The following KHDRBS3 variants were observed in gnomAD, a reference collection of about 807,000 sequenced individuals.
KHDRBS3 encodes the protein KH RNA binding domain containing, signal transduction associated 3.
A neutral mutation model predicts 45.6 loss-of-function variants in KHDRBS3; 23 were observed. That is an observed-to-expected ratio of 0.50 (90% CI 0.36 to 0.72). The LOEUF (loss-of-function observed/expected upper bound fraction) is 0.72, where lower values mean the gene tolerates loss of function less well. KHDRBS3 is among the 30% of genes least tolerant of loss of function. KHDRBS3 has a pLI of 0.00. For synonymous variants in KHDRBS3, 162 were observed against 156.5 expected (o/e 1.04, Z -0.26); for missense variants, 352 against 424.8 (o/e 0.83, Z 1.51).
At chr8:135,471,571 C>T (rs1822015427) in intron 1 of KHDRBS3, among the ~76,000 whole-genome samples, 1 of 152,180 alleles carries the variant, frequency 6.6e-6, no homozygotes, top group African/African-American at 2.4e-5. Context: ...AAGACAAGTG[C>T]ACACGGCACT....
rs79915707 is a variant in KHDRBS3, at chr8:135,461,206, G to A, written c.88+3252G>A. 4.4e-3 allele frequency among the ~76,000 whole-genome samples: 668 copies of A among 152,268 alleles called. 3 individuals are homozygous for A. The highest frequency in any genetic ancestry group is 0.034 in the Middle Eastern group (10 of 294). On this transcript the variant is annotated intron_variant, in intron 1 of 8. Transcript: ENST00000355849. ...CGTAACCTCTGCCTTCTGGGTTTGC[G>A]CGATTCTCCCGCCTCAGCCTCCCGA...
At chr8:135,576,743 G>A (rs975861946) in intron 5 of KHDRBS3, among the ~76,000 whole-genome samples, 9 of 152,110 alleles carry the variant, frequency 5.9e-5, no homozygotes, top group South Asian at 2.1e-4. Context: ...CTGCTGGCCC[G>A]CTTGTTGTTT....
At chr8:135,643,772 A>G (rs1023933391) in intron 7 of KHDRBS3, among the ~76,000 whole-genome samples, 3 of 152,274 alleles carry the variant, frequency 2.0e-5, no homozygotes, top group Non-Finnish European at 4.4e-5. Flanking sequence ...TCTCCATGCA[A>G]TTTAGCCTGG....
At chr8:135,527,863 G>A (rs1046668402) in intron 2 of KHDRBS3, among the ~76,000 whole-genome samples, 7 of 152,130 alleles carry the variant, frequency 4.6e-5, no homozygotes, top group African/African-American at 1.4e-4. Flanking sequence ...CTGGAGTATA[G>A]GTTTTCGTGA....
intron 1 of KHDRBS3, among the ~76,000 whole-genome samples, chr8:135,519,285 G>A (rs1351204108): frequency 1.3e-5 from 2 of 152,100 alleles, no homozygotes; most frequent in Admixed American, 1.3e-4. Context: ...TGTGTATCCA[G>A]TGATTCAATT....
chr8:135,574,814 G>A (rs766080039), intron 5 of KHDRBS3, among the ~76,000 whole-genome samples: 2 of 152,188 alleles, frequency 1.3e-5, no homozygotes, highest in African/African-American at 4.8e-5. Context: ...ACCGTTCAGA[G>A]TGATTGAAGT....
chr8:135,465,810 C>T (rs546208065), intron 1 of KHDRBS3, among the ~76,000 whole-genome samples: 1 of 152,118 alleles, frequency 6.6e-6, no homozygotes, highest in Admixed American at 6.5e-5. Context: ...GTGCTCCTAG[C>T]ATATTATTGA....
At chr8:135,550,685 AC>A (rs950578150) in intron 4 of KHDRBS3, among the ~76,000 whole-genome samples, 1 of 152,042 alleles carries the variant, frequency 6.6e-6, no homozygotes, top group Non-Finnish European at 1.5e-5. Context: ...TCTTTTTCAA[AC>A]ATTTTTTGGC....
chr8:135,494,170 C>T (rs1296649616), intron 1 of KHDRBS3, among the ~76,000 whole-genome samples: 2 of 151,260 alleles, frequency 1.3e-5, no homozygotes, highest in Admixed American at 1.3e-4. Context: ...TTTTATTGAG[C>T]TTTCCAAAGT....
chr8:135,534,353 A>G (rs1825629394), intron 2 of KHDRBS3, among the ~76,000 whole-genome samples: 1 of 152,066 alleles, frequency 6.6e-6, no homozygotes, highest in Non-Finnish European at 1.5e-5. Flanking sequence ...GTTTTGTTTT[A>G]ATTAACATCT....
chr8:135,569,828 C>G (rs1413619933), intron 5 of KHDRBS3, among the ~76,000 whole-genome samples: 1 of 152,142 alleles, frequency 6.6e-6, no homozygotes, highest in Non-Finnish European at 1.5e-5. Flanking sequence ...GAGTGCCAGG[C>G]TGCAAAGACC....
At chr8:135,611,927 A>G (rs982512260) in intron 7 of KHDRBS3, among the ~76,000 whole-genome samples, 7 of 151,904 alleles carry the variant, frequency 4.6e-5, no homozygotes, top group African/African-American at 1.7e-4. Flanking sequence ...CATCCCCAGT[A>G]TCGAATAGTA....
intron 5 of KHDRBS3, 112 bp from the exon 6 acceptor site, chr8:135,581,766 C>T: frequency 1.1e-6 from 1 of 931,560 alleles, no homozygotes; most frequent in East Asian, 2.7e-5. Context: ...TTCCTTCTTC[C>T]TTTTTACAAA....
At chr8:135,533,737 C>G (rs902638829) in intron 2 of KHDRBS3, among the ~76,000 whole-genome samples, 30 of 152,218 alleles carry the variant, frequency 2.0e-4, no homozygotes, top group African/African-American at 6.7e-4. Context: ...GGGGTTTTGT[C>G]CCAATAAGCC....
intron 1 of KHDRBS3, among the ~76,000 whole-genome samples, chr8:135,516,495 G>T (rs1033054137): frequency 1.3e-5 from 2 of 151,818 alleles, no homozygotes; most frequent in African/African-American, 4.8e-5. Context: ...CTGTAATGTC[G>T]CTACATGATG....
chr8:135,508,530 T>C (rs185211216), intron 1 of KHDRBS3, among the ~76,000 whole-genome samples: 24 of 152,320 alleles, frequency 1.6e-4, no homozygotes, highest in African/African-American at 4.6e-4. Flanking sequence ...TTAAGGTAGC[T>C]GGTCTTTTGC....
At position 135,542,688 on chromosome 8, in the gene KHDRBS3, G is replaced by T; in HGVS notation, c.242G>T (p.Gly81Val). The change falls in exon 3 of 9, where the codon GGC becomes GTC. Residue 81 changes from glycine (G) to valine (V), a missense_variant. Around this residue, in one of 6 missense-constraint regions of KHDRBS3, gnomAD observed 9 missense variants for 36.5 expected, o/e 0.25. Transcript: ENST00000355849. ...GTGGGGAAACTTTTGGGTCCACGTG[G>T]CAATTCTCTGAAGCGTTTACAAGAA... ...NFVGKLLGPR[G>V]NSLKRLQEET... is the part of the protein sequence containing the mutation. The T allele has an allele frequency of 6.2e-7, 1 of 1,613,714 alleles. No individual in the cohort carries two copies. Among genetic ancestry groups the T allele is most frequent in the Non-Finnish European group, 8.5e-7 (1 of 1,179,730 alleles).
At chr8:135,611,615 A>C (rs755779337) in intron 7 of KHDRBS3, among the ~76,000 whole-genome samples, 4 of 151,836 alleles carry the variant, frequency 2.6e-5, no homozygotes, top group Non-Finnish European at 5.9e-5. Context: ...CTGTGCACTA[A>C]CATTTCTGGT....
intron 6 of KHDRBS3, among the ~76,000 whole-genome samples, chr8:135,585,740 A>C (rs1315658203): frequency 6.6e-6 from 1 of 152,206 alleles, no homozygotes; most frequent in East Asian, 1.9e-4. Context: ...TCAAAAGATT[A>C]TTAACTTCTA....
Sources: gnomAD v4.1 joint callset for allele counts (sites outside exome capture counted in the v4.1 genomes callset) on GRCh38, gnomAD v4.1.1 for gene constraint, gnomAD v4.1.1 regional missense constraint, MANE v1.5 for transcripts, NCBI Gene and HGNC (gene_info 2026-07-23, HGNC 2026-07-21) for gene names.